Variants in NEK7 observed in about 807,000 individuals in gnomAD.
NEK7 encodes the protein serine/threonine-protein kinase Nek7.
In NEK7, 18 loss-of-function variants were observed where a neutral mutation model predicts 44.6. The ratio of observed to expected loss-of-function variants is 0.40; its 90% CI spans 0.28 to 0.60. The LOEUF (loss-of-function observed/expected upper bound fraction) is 0.60. Among genes scored for constraint, NEK7 ranks in the 20% least tolerant of loss-of-function variants. NEK7 has a pLI of 0.38. For synonymous variants in NEK7, 130 were observed against 121.1 expected, an observed-to-expected ratio of 1.07 and a Z score of -0.48; for missense variants, 256 against 366.5, an observed-to-expected ratio of 0.70 and a Z score of 2.46.
At chr1:198,213,260 AG>A (rs1420169619) in intron 1 of NEK7, among the ~76,000 whole-genome samples, 1 of 152,224 alleles carries the variant, frequency 6.6e-6, no homozygotes, top group Non-Finnish European at 1.5e-5. Context: ...GTGGGACAAA[AG>A]AAACCAGATT....
intron 1 of NEK7, among the ~76,000 whole-genome samples, chr1:198,229,021 T>C (rs1405703909): frequency 6.6e-6 from 1 of 152,170 alleles, no homozygotes; most frequent in East Asian, 1.9e-4. Context: ...CAGAAGGCGT[T>C]CTGCCCCATA....
chr1:198,295,231 G>C (rs564969364), intron 8 of NEK7, among the ~76,000 whole-genome samples: 1 of 152,018 alleles, frequency 6.6e-6, no homozygotes, highest in South Asian at 2.1e-4. Context: ...ATTGTTCAGC[G>C]CAGCAATTGC....
intron 1 of NEK7, among the ~76,000 whole-genome samples, chr1:198,183,734 A>G (rs1375502294): frequency 2.0e-5 from 3 of 152,046 alleles, no homozygotes; most frequent in African/African-American, 7.2e-5. Context: ...CAGGCATTAT[A>G]TTTTCATTCA....
At chr1:198,179,473 TAC>T (rs1664695407) in intron 1 of NEK7, among the ~76,000 whole-genome samples, 1 of 152,098 alleles carries the variant, frequency 6.6e-6, no homozygotes, top group Non-Finnish European at 1.5e-5. Flanking sequence ...AGAGAATTCA[TAC>T]AGATTCTTGA....
Position 198,232,723 on chromosome 1 carries a change from A to T in NEK7, c.57+86A>T, listed in dbSNP as rs945420162. On this transcript the variant is annotated intron_variant, in intron 2 of 9. Transcript: ENST00000367385. ...AAAGTAGTACATTTACAGTTCCTTTAGGAAATAAAGTAGCACAAAAGTGCT... is the reference window on the plus strand; with the variant it reads ...AAAGTAGTACATTTACAGTTCCTTTTGGAAATAAAGTAGCACAAAAGTGCT... 14 of 739,574 alleles carry T rather than the reference A, an allele frequency of 1.9e-5. No homozygotes were observed. The Admixed American group carries it at 3.5e-4, about 18-fold the overall frequency. 45.8% of individuals were successfully genotyped at this position (739,574 alleles called of 1,614,324 possible). A position where few individuals can be genotyped will look rare whatever the true frequency, so the allele number is the denominator to read the frequency against.
At chr1:198,224,334 T>C (rs1294771203) in intron 1 of NEK7, among the ~76,000 whole-genome samples, 1 of 152,178 alleles carries the variant, frequency 6.6e-6, no homozygotes, top group Non-Finnish European at 1.5e-5. Context: ...TAGTATTCAG[T>C]ATAATAACAT....
At chr1:198,301,893 T>C (rs1033933017) in intron 9 of NEK7, among the ~76,000 whole-genome samples, 69 of 152,330 alleles carry the variant, frequency 4.5e-4, no homozygotes, top group African/African-American at 1.5e-3. Context: ...TGTAAATGTA[T>C]TGTAAATAAG....
chr1:198,247,356 G>A (rs1666861567), intron 2 of NEK7, among the ~76,000 whole-genome samples: 1 of 152,124 alleles, frequency 6.6e-6, no homozygotes. Flanking sequence ...TACATAAGGT[G>A]ACTTTGCTTA....
chr1:198,233,489 A>T (rs1666459645), intron 2 of NEK7, among the ~76,000 whole-genome samples: 1 of 152,098 alleles, frequency 6.6e-6, no homozygotes, highest in African/African-American at 2.4e-5. Context: ...GGCATTCTAC[A>T]ATATGTCTCA....
intron 1 of NEK7, among the ~76,000 whole-genome samples, chr1:198,169,172 A>G (rs2102714128): frequency 6.6e-6 from 1 of 152,346 alleles, no homozygotes; most frequent in South Asian, 2.1e-4. Context: ...GTTTATGGAT[A>G]TAACTGCTGC....
intron 1 of NEK7, among the ~76,000 whole-genome samples, chr1:198,231,651 A>C (rs1666402161): frequency 6.6e-6 from 1 of 152,056 alleles, no homozygotes; most frequent in African/African-American, 2.4e-5. Flanking sequence ...AAAATTATGA[A>C]TTTCTATTCA....
intron 1 of NEK7, among the ~76,000 whole-genome samples, chr1:198,160,604 A>G (rs1027700373): frequency 6.6e-6 from 1 of 152,334 alleles, no homozygotes; most frequent in East Asian, 1.9e-4. Context: ...TCAGCACTTC[A>G]TCAGGATTTA....
chr1:198,237,988 T>C (rs1394944233), intron 2 of NEK7, among the ~76,000 whole-genome samples: 2 of 152,188 alleles, frequency 1.3e-5, no homozygotes, highest in Non-Finnish European at 2.9e-5. Context: ...TAGTAGGCAT[T>C]CAATAAATAT....
intron 5 of NEK7, among the ~76,000 whole-genome samples, chr1:198,272,174 C>T (rs538856803): frequency 3.0e-4 from 45 of 151,446 alleles, no homozygotes; most frequent in African/African-American, 8.9e-4. Flanking sequence ...CACTTTATAC[C>T]GTGAAATGAC....
chr1:198,158,370 A>C (rs968355180), intron 1 of NEK7, among the ~76,000 whole-genome samples: 3 of 152,220 alleles, frequency 2.0e-5, no homozygotes, highest in Non-Finnish European at 2.9e-5. Flanking sequence ...AGCCTAATGT[A>C]CCCATCATAA....
At chr1:198,228,793 T>C (rs992020769) in intron 1 of NEK7, among the ~76,000 whole-genome samples, 12 of 152,308 alleles carry the variant, frequency 7.9e-5, no homozygotes, top group African/African-American at 2.4e-4. Flanking sequence ...TTTCTAGATA[T>C]ACAATCATGT....
At chr1:198,314,132 C>T (rs1284897337) in intron 9 of NEK7, among the ~76,000 whole-genome samples, 1 of 152,106 alleles carries the variant, frequency 6.6e-6, no homozygotes, top group East Asian at 1.9e-4. Flanking sequence ...TTGCTCGTTT[C>T]TTTTTATTCT....
chr1:198,271,611 G>T (rs1206477387), intron 5 of NEK7, among the ~76,000 whole-genome samples: 1 of 151,748 alleles, frequency 6.6e-6, no homozygotes, highest in African/African-American at 2.4e-5. Context: ...AAGCAATAAA[G>T]GTTTCCCAGC....
intron 9 of NEK7, among the ~76,000 whole-genome samples, chr1:198,300,247 G>A (rs564434587): frequency 3.3e-5 from 5 of 152,296 alleles, no homozygotes; most frequent in South Asian, 4.1e-4. Flanking sequence ...GTTGGTGACA[G>A]TGAAGCAAAC....
Sources: allele counts gnomAD v4.1 joint callset (sites outside exome capture counted in the v4.1 genomes callset), GRCh38; gene constraint gnomAD v4.1.1; transcripts MANE v1.5; gene names NCBI Gene and HGNC (gene_info 2026-07-23, HGNC 2026-07-21).